The following ARIH1 variants were observed in gnomAD, a reference collection of about 807,000 sequenced individuals.
ARIH1 encodes the protein ariadne RBR E3 ubiquitin protein ligase 1, also known as E3 ubiquitin-protein ligase ARIH1.
ARIH1 carries 8 observed loss-of-function variants against 85.0 expected under a neutral mutation model. The observed-to-expected ratio is 0.09, with a 90% CI of 0.06 to 0.17. ARIH1 has a LOEUF of 0.17. Among genes scored for constraint, ARIH1 ranks in the 10% least tolerant of loss-of-function variants. The pLI, the probability that ARIH1 is intolerant of heterozygous loss-of-function variation, is 1.00. For synonymous variants in ARIH1, 238 were observed against 253.6 expected, an observed-to-expected ratio of 0.94 and a Z score of 0.59; for missense variants, 311 against 718.1, an observed-to-expected ratio of 0.43 and a Z score of 6.48.
At chr15:72,550,679 TA>T (rs753321357) in intron 3 of ARIH1, among the ~76,000 whole-genome samples, 12 of 152,156 alleles carry the variant, frequency 7.9e-5, no homozygotes, top group Non-Finnish European at 1.5e-4. Context: ...CATATATATA[TA>T]TATTTTAATG....
Position 72,592,127 on chromosome 15 carries a change from C to G in ARIH1, c.*8835C>G, listed in dbSNP as rs924122537. ...CGCTTGCAATAAAGTAGGTTAAGTG[C>G]TGTACTTTAAGGAAGTCCATGTACA... On this transcript the variant is annotated 3_prime_UTR_variant, in exon 14 of 14. Transcript: ENST00000379887. The G allele has an allele frequency of 2.0e-5, 3 of 152,206 alleles. No individual in the cohort carries two copies. Among genetic ancestry groups the G allele is most frequent in the Admixed American group, 6.5e-5 (1 of 15,280 alleles). The allele number at this position is 152,206 out of a possible 1,614,324, so 9.4% of individuals were successfully genotyped here. A position where few individuals can be genotyped will look rare whatever the true frequency, so the allele number is the denominator to read the frequency against.
chr15:72,569,404 T>C (rs1488584324), intron 9 of ARIH1, among the ~76,000 whole-genome samples: 9 of 152,134 alleles, frequency 5.9e-5, no homozygotes, highest in African/African-American at 1.9e-4. Context: ...ATTTAAAACA[T>C]GGTTATTTGG....
chr15:72,528,243 C>T (rs566600727), intron 2 of ARIH1, among the ~76,000 whole-genome samples: 14 of 152,034 alleles, frequency 9.2e-5, no homozygotes, highest in Non-Finnish European at 1.8e-4. Flanking sequence ...AAAACTTAAC[C>T]ACCTATAAAA....
At position 72,596,749 on chromosome 15, in the gene ARIH1, T is replaced by A. The variant is rs2064364964; in HGVS notation, c.*13457T>A. 6.6e-6 allele frequency: 1 copy of A among 152,156 alleles called. No homozygotes were observed. Among genetic ancestry groups the A allele is most frequent in the Non-Finnish European group, 1.5e-5 (1 of 68,014 alleles). The allele number at this position is 152,156 out of a possible 1,614,324, so 9.4% of individuals were successfully genotyped here. On this transcript the variant is annotated 3_prime_UTR_variant, in exon 14 of 14. Transcript: ENST00000379887. ...GTTTATTGAATTCTCCATTTAAAAA[T>A]TTTTATTTTTAGTTATTTATGGATA...
At chr15:72,573,928 A>T (rs2064259068) in intron 11 of ARIH1, among the ~76,000 whole-genome samples, 1 of 152,196 alleles carries the variant, frequency 6.6e-6, no homozygotes, top group Admixed American at 6.5e-5. Flanking sequence ...ATGTCCCTTA[A>T]GTCATATCCC....
chr15:72,518,009 C>T lies in ARIH1; in HGVS notation c.376-58C>T, dbSNP rs2063982800. The T allele has an allele frequency of 9.7e-6, 13 of 1,341,372 alleles. 1 individual carries two copies. The Admixed American group carries it at 2.4e-4, about 25-fold the overall frequency. The allele number at this position is 1,341,372 out of a possible 1,614,324, so 83.1% of individuals were successfully genotyped here. On this transcript the variant is annotated intron_variant, in intron 1 of 13. Transcript: ENST00000379887. The stretch of plus-strand genomic sequence containing the variant: ...AATTTAACTTCAACCTAGGAGTTCA[C>T]TAAATGTCCATGAAGTGCTATTACC...
At position 72,600,689 on chromosome 15, in the gene ARIH1, G is replaced by T. The variant is rs2064379598; in HGVS notation, c.*17397G>T. Reference sequence around the variant, plus strand: ...TGAACCATAGTATCCAACCTATTATGTTTTTTTAAAAAGAGATTGTTCTAA... The same window carrying T: ...TGAACCATAGTATCCAACCTATTATTTTTTTTTAAAAAGAGATTGTTCTAA... On this transcript the variant is annotated 3_prime_UTR_variant, in exon 14 of 14. Transcript: ENST00000379887. 6.6e-6 allele frequency: 1 copy of T among 152,060 alleles called. No homozygotes were observed. The highest frequency in any genetic ancestry group is 1.5e-5 in the Non-Finnish European group (1 of 68,008). The allele number at this position is 152,060 out of a possible 1,614,324, so 9.4% of individuals were successfully genotyped here. A position where few individuals can be genotyped will look rare whatever the true frequency, so the allele number is the denominator to read the frequency against.
At chr15:72,532,536 A>T (rs1244572846) in intron 2 of ARIH1, among the ~76,000 whole-genome samples, 3 of 152,236 alleles carry the variant, frequency 2.0e-5, no homozygotes, top group Non-Finnish European at 1.5e-5. Context: ...TCTAAAGAAC[A>T]GAAAAATAGG....
chr15:72,493,528 T>G (rs1050335042), intron 1 of ARIH1, among the ~76,000 whole-genome samples: 2 of 152,206 alleles, frequency 1.3e-5, no homozygotes, highest in Non-Finnish European at 2.9e-5. Flanking sequence ...CAGTAACGAA[T>G]GAATAATTCA....
intron 1 of ARIH1, among the ~76,000 whole-genome samples, chr15:72,502,466 G>A (rs927115916): frequency 6.6e-6 from 1 of 152,102 alleles, no homozygotes. Flanking sequence ...ATTGCCAACA[G>A]TTAATTGAAA....
At chr15:72,480,434 G>A (rs1381696510) in intron 1 of ARIH1, among the ~76,000 whole-genome samples, 2 of 151,116 alleles carry the variant, frequency 1.3e-5, no homozygotes, top group African/African-American at 4.9e-5. Flanking sequence ...GCTATTTTTT[G>A]TATTTTATTA....
chr15:72,537,709 G>T (rs1400478234), intron 2 of ARIH1, among the ~76,000 whole-genome samples: 1 of 152,108 alleles, frequency 6.6e-6, no homozygotes, highest in Non-Finnish European at 1.5e-5. Context: ...GTGGCTGGGG[G>T]GAGTTGAAAT....
chr15:72,474,336 G>T lies in ARIH1; in HGVS notation c.-304G>T. 1 of 373,586 alleles carries T rather than the reference G, an allele frequency of 2.7e-6. No homozygotes were observed. Among genetic ancestry groups the T allele is most frequent in the Non-Finnish European group, 4.9e-6 (1 of 204,366 alleles). The allele number at this position is 373,586 out of a possible 1,614,324, so 23.1% of individuals were successfully genotyped here. ...CACGCCCCTTTGTTGGCTCAGTAGC[G>T]ATAGCAGCGGCCGTGGAGGTGGCGT... On this transcript the variant is annotated 5_prime_UTR_variant, in exon 1 of 14. Transcript: ENST00000379887.
chr15:72,559,951 G>C (rs1286080497), intron 5 of ARIH1, among the ~76,000 whole-genome samples: 1 of 152,060 alleles, frequency 6.6e-6, no homozygotes, highest in African/African-American at 2.4e-5. Flanking sequence ...GAACATTTGT[G>C]TACAAGTTTT....
intron 1 of ARIH1, among the ~76,000 whole-genome samples, chr15:72,487,080 ATTT>A (rs200378374): frequency 1.4e-3 from 205 of 150,702 alleles, no homozygotes; most frequent in Middle Eastern, 3.4e-3. Context: ...TATTATTATT[ATTT>A]TTTTTTGTAT....
At chr15:72,478,784 G>T (rs1456019978) in intron 1 of ARIH1, among the ~76,000 whole-genome samples, 1 of 152,218 alleles carries the variant, frequency 6.6e-6, no homozygotes, top group Admixed American at 6.5e-5. Context: ...CAGGCAGGGT[G>T]AGTAGAGTGA....
At chr15:72,488,037 G>C (rs1192995370) in intron 1 of ARIH1, among the ~76,000 whole-genome samples, 2 of 151,354 alleles carry the variant, frequency 1.3e-5, no homozygotes, top group Non-Finnish European at 2.9e-5. Flanking sequence ...TTTTCTTTCT[G>C]TCTCTCTTTT....
intron 1 of ARIH1, among the ~76,000 whole-genome samples, chr15:72,512,518 CT>C (rs932614310): frequency 2.8e-4 from 36 of 129,914 alleles, no homozygotes; most frequent in Admixed American, 5.3e-4. Context: ...CGGTTTTTTT[CT>C]TTTTTTTTTT....
rs755559379 is a variant in ARIH1 at position 72,580,826 on chromosome 15, G to A, written c.1311G>A (p.Gln437=). 1.2e-6 allele frequency: 2 copies of A among 1,614,158 alleles called. No homozygotes were observed. The highest frequency in any genetic ancestry group is 1.7e-6 in the Non-Finnish European group (2 of 1,180,002). Residue 437 remains glutamine (Q), a synonymous_variant, in exon 12 of 14, where the codon CAG becomes CAA. Transcript: ENST00000379887. ...GCTTTGAGCACAAACTATATGCTCA[G>A]GTGAAACAGAAAATGGAGGAGATGC... ...SLRFEHKLYA[Q]VKQKMEEMQQ...
Sources: allele counts gnomAD v4.1 joint callset (sites outside exome capture counted in the v4.1 genomes callset), GRCh38; gene constraint gnomAD v4.1.1; transcripts MANE v1.5; gene names NCBI Gene and HGNC (gene_info 2026-07-23, HGNC 2026-07-21).